Variants in GATA4 observed in about 807,000 individuals in gnomAD.
GATA4 encodes transcription factor GATA-4.
GATA4 carries 7 observed loss-of-function variants against 37.9 expected under a neutral mutation model. That is an observed-to-expected ratio of 0.18 (90% CI 0.11 to 0.35). The LOEUF (loss-of-function observed/expected upper bound fraction) is 0.35. Among genes scored for constraint, GATA4 ranks in the 10% least tolerant of loss-of-function variants. GATA4 has a pLI of 1.00. For synonymous variants in GATA4, 372 were observed against 292.6 expected (o/e 1.27, Z -2.77); for missense variants, 647 against 653.0 (o/e 0.99, Z 0.10).
rs1256589005 is a variant in GATA4 at position 11,756,949 on chromosome 8, G to A, written c.1015G>A (p.Glu339Lys). 2.5e-6 allele frequency: 4 copies of A among 1,614,116 alleles called. No individual in the cohort carries two copies. Among genetic ancestry groups the A allele is most frequent in the Non-Finnish European group, 3.4e-6 (4 of 1,180,054 alleles). ...SKTPAAPSGSESLPPASGASS... is the reference protein window; with the variant it reads ...SKTPAAPSGSKSLPPASGASS... ...CTTCATTCCAGCTCCTTCAGGCAGT[G>A]AGAGCCTTCCTCCCGCCAGCGGTGC... The change falls in exon 6 of 7, where the codon GAG becomes AAG. Residue 339 changes from glutamate (E) to lysine (K), a missense_variant. By Grantham distance (56) the Glu-to-Lys change is moderately conservative. Around this residue, in one of 5 missense-constraint regions of GATA4, gnomAD observed 184 missense variants for 157.1 expected, o/e 1.17. Transcript: ENST00000532059.
chr8:11,687,513 G>T (rs1015840936), intron 1 of GATA4, among the ~76,000 whole-genome samples: 1 of 152,070 alleles, frequency 6.6e-6, no homozygotes, highest in African/African-American at 2.4e-5. Flanking sequence ...ATGAATAATT[G>T]TTGTGGTTTA....
intron 2 of GATA4, among the ~76,000 whole-genome samples, chr8:11,726,415 G>A: frequency 6.6e-6 from 1 of 152,214 alleles, no homozygotes; most frequent in East Asian, 1.9e-4. Flanking sequence ...GTTCTCAAAG[G>A]TAGTAACACG....
intron 1 of GATA4, among the ~76,000 whole-genome samples, chr8:11,682,155 G>C (rs1798993559): frequency 6.6e-6 from 1 of 152,160 alleles, no homozygotes; most frequent in Non-Finnish European, 1.5e-5. Flanking sequence ...CCAAGCACTA[G>C]GTGGTGTCTG....
chr8:11,712,034 C>G (rs1467226654), intron 2 of GATA4, among the ~76,000 whole-genome samples: 1 of 152,192 alleles, frequency 6.6e-6, no homozygotes, highest in African/African-American at 2.4e-5. Context: ...GGGCAAGTTA[C>G]TTACCTCTCT....
chr8:11,680,780 G>C (rs1798941055), intron 1 of GATA4: 1 of 985,198 alleles, frequency 1.0e-6, no homozygotes, highest in Admixed American at 6.1e-5. Context: ...GATGCGAGGT[G>C]CTCACCCGCC....
upstream of GATA4, chr8:11,691,940 T>G (rs1454780690): frequency 1.1e-6 from 1 of 892,486 alleles, no homozygotes; most frequent in East Asian, 1.2e-4. Context: ...AAAAACCACT[T>G]CAGACCATAA....
chr8:11,744,231 C>T (rs149102419), intron 2 of GATA4, among the ~76,000 whole-genome samples: 2 of 152,366 alleles, frequency 1.3e-5, no homozygotes, highest in East Asian at 3.9e-4. Flanking sequence ...TTCCCACTCC[C>T]TCCTGACCCC....
chr8:11,748,819 A>T (rs1420679096), intron 2 of GATA4, 97 bp from the exon 3 acceptor site: 1 of 1,403,380 alleles, frequency 7.1e-7, no homozygotes, highest in Non-Finnish European at 1.0e-6. Flanking sequence ...AGGAAAGGGC[A>T]TTGTTTCTGT....
At chr8:11,696,975 AC>A (rs1563192287) in intron 1 of GATA4, among the ~76,000 whole-genome samples, 1 of 152,208 alleles carries the variant, frequency 6.6e-6, no homozygotes, top group African/African-American at 2.4e-5. Flanking sequence ...TTTGCCCCTC[AC>A]TGGCGGAGGC....
chr8:11,736,923 A>G (rs1801488844), intron 2 of GATA4, among the ~76,000 whole-genome samples: 1 of 152,198 alleles, frequency 6.6e-6, no homozygotes, highest in Admixed American at 6.5e-5. Flanking sequence ...ACTGCAGGGC[A>G]TTGTCTCCTG....
rs951931198 is a variant in GATA4 at position 11,758,574 on chromosome 8, G to C, written c.*99G>C. 1 of 1,135,888 alleles carries C rather than the reference G, an allele frequency of 8.8e-7. No homozygotes were observed. Among genetic ancestry groups the C allele is most frequent in the African/African-American group, 1.5e-5 (1 of 65,386 alleles). 70.4% of individuals were successfully genotyped at this position (1,135,888 alleles called of 1,614,324 possible). A position where few individuals can be genotyped will look rare whatever the true frequency, so the allele number is the denominator to read the frequency against. Reference sequence around the variant, plus strand: ...TCCCAGGGGCCGGCCTCCTCTGCCTGGTAATGACTCCAGAACAACAACTGG... The same window carrying C: ...TCCCAGGGGCCGGCCTCCTCTGCCTCGTAATGACTCCAGAACAACAACTGG... On this transcript the variant is annotated 3_prime_UTR_variant, in exon 7 of 7. Coordinates refer to ENST00000532059, the MANE Select transcript of GATA4 (RefSeq NM_001308093.3).
chr8:11,693,522 AACACACACACACACAC>A (rs140439542), intron 1 of GATA4, among the ~76,000 whole-genome samples: 4 of 110,028 alleles, frequency 3.6e-5, no homozygotes, highest in African/African-American at 1.2e-4. Context: ...ATTCAGCACA[AACACACACACACACAC>A]ACACACACAC....
At chr8:11,718,215 G>A (rs1283961029) in intron 2 of GATA4, among the ~76,000 whole-genome samples, 1 of 152,236 alleles carries the variant, frequency 6.6e-6, no homozygotes, top group African/African-American at 2.4e-5. Context: ...TGAACTGAAT[G>A]TAGCAGCCCA....
intron 2 of GATA4, among the ~76,000 whole-genome samples, chr8:11,717,559 CT>C (rs1009331081): frequency 5.3e-5 from 8 of 152,190 alleles, no homozygotes; most frequent in Non-Finnish European, 7.3e-5. Flanking sequence ...CAGGATTGTA[CT>C]TTCCCCCTTT....
rs150620202 is a variant in GATA4, at chr8:11,708,199, C to T, written c.-114C>T. The T allele has an allele frequency of 2.5e-3, 3,072 of 1,208,462 alleles. 8 individuals are homozygous for T. Among genetic ancestry groups the T allele is most frequent in the Non-Finnish European group, 3.0e-3 (2,526 of 850,540 alleles). The allele number at this position is 1,208,462 out of a possible 1,614,324, so 74.9% of individuals were successfully genotyped here. A position where few individuals can be genotyped will look rare whatever the true frequency, so the allele number is the denominator to read the frequency against. ...TTTTTCCCCTTTGATTTTTGATCTT[C>T]GCGACAGTTCCTCCCACGCATATTA... is the stretch of plus-strand genomic sequence containing the variant. On this transcript the variant is annotated 5_prime_UTR_variant, in exon 2 of 7. Coordinates refer to ENST00000532059, the MANE Select transcript of GATA4 (RefSeq NM_001308093.3). The surrounding 1 kb of genome is among the most constrained non-coding windows in gnomAD (Gnocchi z 6.7).
intron 4 of GATA4, among the ~76,000 whole-genome samples, chr8:11,751,029 T>C (rs1802279033): frequency 6.6e-6 from 1 of 152,138 alleles, no homozygotes; most frequent in African/African-American, 2.4e-5. Context: ...TAAGGGAAAG[T>C]ATTTATATAA....
At chr8:11,694,165 A>G (rs1799432529) in intron 1 of GATA4, among the ~76,000 whole-genome samples, 1 of 152,178 alleles carries the variant, frequency 6.6e-6, no homozygotes, top group African/African-American at 2.4e-5. Flanking sequence ...ACTTGTGTTC[A>G]TCCTTGTATC....
At chr8:11,703,085 G>C (rs1023079399), upstream of GATA4, among the ~76,000 whole-genome samples, 6 of 152,226 alleles carry the variant, frequency 3.9e-5, no homozygotes, top group African/African-American at 1.4e-4. Flanking sequence ...TTTCGGAGCA[G>C]CACGGGTTTC....
chr8:11,705,809 A>C (rs1799866980), intron 1 of GATA4: 1 of 152,222 alleles, frequency 6.6e-6, no homozygotes, highest in African/African-American at 2.4e-5. Flanking sequence ...CAAATATTAG[A>C]TTGATGACAT....
Sources: gnomAD v4.1 joint callset for allele counts (sites outside exome capture counted in the v4.1 genomes callset) on GRCh38, gnomAD v4.1.1 for gene constraint, gnomAD v4.1.1 regional missense constraint, Gnocchi (gnomAD v3.1) non-coding constraint, MANE v1.5 for transcripts, NCBI Gene and HGNC (gene_info 2026-07-23, HGNC 2026-07-21) for gene names.